The following PPARGC1A variants were observed in gnomAD, a reference collection of about 807,000 sequenced individuals.
The protein encoded by PPARGC1A is PPARG coactivator 1 alpha, also known as peroxisome proliferator-activated receptor gamma coactivator 1-alpha.
In PPARGC1A, 25 loss-of-function variants were observed where a neutral mutation model predicts 88.7. The observed-to-expected ratio is 0.28, with a 90% CI of 0.21 to 0.39. The LOEUF is 0.39. Ranked by LOEUF, PPARGC1A falls within the 10% of genes least tolerant of loss-of-function variation. PPARGC1A has a pLI of 1.00. For missense variants in PPARGC1A, 880 were observed against 968.7 expected (o/e 0.91, Z 1.22); for synonymous variants, 363 against 355.6 (o/e 1.02, Z -0.24).
At chr4:24,109,298 TACACACACAC>T in the PPARGC1A span, among the ~76,000 whole-genome samples, 1,250 of 131,864 alleles carry the variant, frequency 9.5e-3, 17 homozygotes, top group African/African-American at 0.031. Flanking sequence ...CATTTCATTA[TACACACACAC>T]ACACACACAC....
chr4:24,265,091 C>T, the PPARGC1A span, among the ~76,000 whole-genome samples: 1 of 152,058 alleles, frequency 6.6e-6, no homozygotes, highest in Non-Finnish European at 1.5e-5. Flanking sequence ...TGGAAAACTC[C>T]CATGTGACAG....
the PPARGC1A span, among the ~76,000 whole-genome samples, chr4:24,236,817 C>A: frequency 8.4e-4 from 128 of 152,224 alleles, 2 homozygotes; most frequent in African/African-American, 3.0e-3. Context: ...CTTATATGTT[C>A]GAAAATCCCC....
chr4:24,112,949 C>T, the PPARGC1A span, among the ~76,000 whole-genome samples: 104,541 of 152,008 alleles, frequency 0.69, 36,153 homozygotes, highest in East Asian at 0.88. Flanking sequence ...AAGAGAATAA[C>T]GGAAATTTCT....
intron 2 of PPARGC1A, among the ~76,000 whole-genome samples, chr4:23,850,640 G>T (rs1729115908): frequency 6.6e-6 from 1 of 152,176 alleles, no homozygotes. Flanking sequence ...AAATTAAAGA[G>T]TGACAATAGC....
the PPARGC1A span, among the ~76,000 whole-genome samples, chr4:24,269,291 TAAGAC>T: frequency 0.62 from 93,978 of 151,640 alleles, 29,609 homozygotes; most frequent in East Asian, 0.87. Context: ...AGGGAAGTGT[TAAGAC>T]AAGAATATTT....
chr4:24,110,905 T>C, the PPARGC1A span, among the ~76,000 whole-genome samples: 1 of 152,222 alleles, frequency 6.6e-6, no homozygotes, highest in African/African-American at 2.4e-5. Flanking sequence ...GAAACATGTC[T>C]GAAAACCAGG....
At chr4:23,910,422 A>C in the PPARGC1A span, among the ~76,000 whole-genome samples, 2 of 116,776 alleles carry the variant, frequency 1.7e-5, no homozygotes, top group African/African-American at 6.7e-5. Flanking sequence ...TATATATATT[A>C]TTAATATAAT....
chr4:24,375,588 C>T, the PPARGC1A span, among the ~76,000 whole-genome samples: 15 of 152,184 alleles, frequency 9.9e-5, no homozygotes, highest in East Asian at 3.9e-4. Context: ...TACCAGGCAG[C>T]GCAGTACAAG....
At chr4:24,122,432 TATATAG>T in the PPARGC1A span, among the ~76,000 whole-genome samples, 113 of 135,916 alleles carry the variant, frequency 8.3e-4, 1 homozygote, top group Admixed American at 3.0e-3. Context: ...TATATATATA[TATATAG>T]AGAGAGAGAG....
chr4:24,413,639 A>G, the PPARGC1A span, among the ~76,000 whole-genome samples: 2,057 of 152,246 alleles, frequency 0.014, 61 homozygotes, highest in East Asian at 0.11. Context: ...TTAGGAAAGG[A>G]GCCATGGGAA....
the PPARGC1A span, among the ~76,000 whole-genome samples, chr4:24,075,011 C>A: frequency 6.6e-6 from 1 of 152,132 alleles, no homozygotes; most frequent in Non-Finnish European, 1.5e-5. Flanking sequence ...CCAGCCCTCC[C>A]TTCAAGTCTC....
At chr4:23,974,609 G>A in the PPARGC1A span, among the ~76,000 whole-genome samples, 1 of 151,804 alleles carries the variant, frequency 6.6e-6, no homozygotes, top group Non-Finnish European at 1.5e-5. Context: ...TTGCACCCAG[G>A]ACTGTCAGTG....
chr4:24,049,215 AATAT>A, the PPARGC1A span, among the ~76,000 whole-genome samples: 5 of 8,636 alleles, frequency 5.8e-4, no homozygotes, highest in Admixed American at 9.4e-3. Context: ...CATATATATA[AATAT>A]ATATATACAT....
the PPARGC1A span, among the ~76,000 whole-genome samples, chr4:23,998,590 C>T: frequency 2.0e-5 from 3 of 152,146 alleles, no homozygotes; most frequent in African/African-American, 7.2e-5. Flanking sequence ...ATAACACAAC[C>T]TTTACACTAA....
At chr4:24,450,798 G>GA in the PPARGC1A span, among the ~76,000 whole-genome samples, 122 of 150,712 alleles carry the variant, frequency 8.1e-4, no homozygotes, top group African/African-American at 2.5e-3. Context: ...CCATTTGAAG[G>GA]AAAAAAAAAT....
chr4:23,938,090 A>G, the PPARGC1A span, among the ~76,000 whole-genome samples: 13 of 152,270 alleles, frequency 8.5e-5, no homozygotes, highest in Non-Finnish European at 1.6e-4. Flanking sequence ...GATCCAGAGT[A>G]AAGATTTCAG....
At chr4:24,013,362 CA>C in the PPARGC1A span, among the ~76,000 whole-genome samples, 7 of 152,200 alleles carry the variant, frequency 4.6e-5, no homozygotes, top group East Asian at 1.4e-3. Context: ...TTTTCCTTCC[CA>C]CTCTAGTCCA....
At chr4:23,976,455 G>A in the PPARGC1A span, among the ~76,000 whole-genome samples, 2 of 152,170 alleles carry the variant, frequency 1.3e-5, no homozygotes, top group Non-Finnish European at 2.9e-5. Context: ...AAAGTTTGAT[G>A]ATATCTTTTC....
At chr4:24,339,221 TATATATATATATATATACACACAC>T in the PPARGC1A span, among the ~76,000 whole-genome samples, 6 of 55,238 alleles carry the variant, frequency 1.1e-4, no homozygotes, top group East Asian at 1.5e-3. Context: ...TGTATATATA[TATATATATATATATATACACACAC>T]ACACACACAC....
Sources: allele counts gnomAD v4.1 joint callset (sites outside exome capture counted in the v4.1 genomes callset), GRCh38; gene constraint gnomAD v4.1.1; transcripts MANE v1.5; gene names NCBI Gene and HGNC (gene_info 2026-07-23, HGNC 2026-07-21).